RECQL5: variants seen among roughly 807,000 people sequenced by gnomAD.
The protein encoded by RECQL5 is ATP-dependent DNA helicase Q5.
RECQL5 carries 88 observed loss-of-function variants against 103.4 expected under a neutral mutation model. The ratio of observed to expected loss-of-function variants is 0.85; its 90% CI spans 0.72 to 1.02. The LOEUF (loss-of-function observed/expected upper bound fraction) is 1.02. Among genes scored for constraint, RECQL5 ranks in the 50% least tolerant of loss-of-function variants. The pLI is 0.00. For missense variants in RECQL5, 1,232 were observed against 1,284.3 expected (o/e 0.96, Z 0.62); for synonymous variants, 552 against 507.9 (o/e 1.09, Z -1.17).
Position 75,665,205 on chromosome 17 carries a change from C to A in RECQL5, c.131-33G>T, listed in dbSNP as rs146268842. 721 of 1,583,514 alleles carry A rather than the reference C, an allele frequency of 4.6e-4. No individual in the cohort carries two copies. The African/African-American group carries it at 8.1e-3, about 18-fold the overall frequency. On this transcript the variant is annotated intron_variant, in intron 2 of 19. Coordinates refer to ENST00000317905, the MANE Select transcript of RECQL5 (RefSeq NM_004259.7). ...AATACAAGACAACAATATCTCAGTG[C>A]TTCCTGCCTTTTCATTGAAGTTGTT...
At chr17:75,654,792 T>TTTA (rs1376086894) in intron 7 of RECQL5, among the ~76,000 whole-genome samples, 1 of 151,866 alleles carries the variant, frequency 6.6e-6, no homozygotes, top group Non-Finnish European at 1.5e-5. Context: ...GCTAATTTTT[T>TTTA]TTATTATTAT....
At chr17:75,665,621 C>T (rs1003971658) in intron 2 of RECQL5, among the ~76,000 whole-genome samples, 13 of 142,974 alleles carry the variant, frequency 9.1e-5, no homozygotes, top group African/African-American at 3.1e-4. Flanking sequence ...ACCCAGGAGG[C>T]GGAGGTTGCA....
chr17:75,630,485 G>A (rs1439994545), intron 13 of RECQL5, 134 bp downstream of exon 13: 1 of 1,035,594 alleles, frequency 9.7e-7, no homozygotes, highest in African/African-American at 1.6e-5. Flanking sequence ...GGGGTTGTAG[G>A]GGCAGTCCCC....
In RECQL5 at chr17:75,629,690, C is replaced by T; in HGVS notation, c.1947+18G>A. On this transcript the variant is annotated intron_variant, in intron 15 of 19. Coordinates refer to ENST00000317905, the MANE Select transcript of RECQL5 (RefSeq NM_004259.7). ...CTTTCCTGGTCACAGGTCTGGAGGC[C>T]ACTGGGCCACAGCTCACCGAGTACA... 6.3e-7 allele frequency: 1 copy of T among 1,595,444 alleles called. No individual in the cohort carries two copies. The highest frequency in any genetic ancestry group is 1.1e-5 in the South Asian group (1 of 89,768).
Position 75,662,785 on chromosome 17 carries a change from C to G in RECQL5, c.465G>C (p.Val155=). The G allele has an allele frequency of 6.2e-7, 1 of 1,614,138 alleles. No individual in the cohort carries two copies. The highest frequency in any genetic ancestry group is 8.5e-7 in the Non-Finnish European group (1 of 1,180,046). The stretch of plus-strand genomic sequence containing the variant: ...GGGAAACACAATGAGCTTCATCCAC[C>G]ACCAAGTAAGACAGCAGGTGGCGGG... ...LVSRHLLSYL[V]VDEAHCVSQW... is the part of the protein sequence containing the mutation. Residue 155 remains valine, a synonymous_variant, in exon 4 of 20, where the codon GTG becomes GTC. Transcript: ENST00000317905.
chr17:75,650,113 G>T, intron 8 of RECQL5: 1 of 986,106 alleles, frequency 1.0e-6, no homozygotes, highest in Non-Finnish European at 1.2e-6. Context: ...TAAGAGCTCT[G>T]CTCAAGAAGC....
chr17:75,658,026 C>T (rs187862743), intron 7 of RECQL5, among the ~76,000 whole-genome samples: 105 of 151,368 alleles, frequency 6.9e-4, no homozygotes, highest in African/African-American at 2.3e-3. Context: ...CCAGCCTGAG[C>T]GACGGAGTGA....
intron 7 of RECQL5, among the ~76,000 whole-genome samples, chr17:75,653,173 G>A (rs2059576327): frequency 6.6e-6 from 1 of 152,192 alleles, no homozygotes; most frequent in Non-Finnish European, 1.5e-5. Context: ...GGCAATAGCA[G>A]GTGGTCCCCA....
intron 18 of RECQL5, among the ~76,000 whole-genome samples, 156 bp downstream of exon 18, chr17:75,628,062 G>A (rs1278327932): frequency 6.6e-6 from 1 of 150,808 alleles, no homozygotes; most frequent in Non-Finnish European, 1.5e-5. Flanking sequence ...GCAACCCACG[G>A]CCATGACCCA....
In RECQL5 at chr17:75,640,672, C is replaced by T; in HGVS notation, c.1230-9004G>A. 6.8e-7 allele frequency: 1 copy of T among 1,475,602 alleles called. No individual in the cohort carries two copies. The highest frequency in any genetic ancestry group is 1.4e-5 in the African/African-American group (1 of 72,118). The allele number at this position is 1,475,602 out of a possible 1,614,324, so 91.4% of individuals were successfully genotyped here. A position where few individuals can be genotyped will look rare whatever the true frequency, so the allele number is the denominator to read the frequency against. On this transcript the variant is annotated intron_variant, in intron 8 of 19. Coordinates refer to ENST00000317905, the MANE Select transcript of RECQL5 (RefSeq NM_004259.7). This position sits in a 1 kb window ranked among gnomAD's most constrained non-coding sequence, Gnocchi z 4.6. ...CCTCTCACCAGCCTCTCGGATCTTT[C>T]TGACCTCCACCAAACCTGTGGGGGA...
intron 6 of RECQL5, among the ~76,000 whole-genome samples, chr17:75,658,756 G>C (rs188359684): frequency 1.3e-5 from 2 of 152,244 alleles, no homozygotes; most frequent in Admixed American, 1.3e-4. Flanking sequence ...ACAAAATGAG[G>C]CTCTGCCACT....
chr17:75,659,650 G>A (rs796535474), intron 6 of RECQL5, among the ~76,000 whole-genome samples: 22 of 152,278 alleles, frequency 1.4e-4, no homozygotes, highest in African/African-American at 5.3e-4. Context: ...CACTACACCT[G>A]GCAGCATACC....
At chr17:75,633,827 C>T in intron 8 of RECQL5, 1 of 1,003,706 alleles carries the variant, frequency 1.0e-6, no homozygotes, top group Non-Finnish European at 1.2e-6. Context: ...CTTTCTTCAG[C>T]TCCCAACCCA....
Position 75,640,143 on chromosome 17 carries a change from AGGT to A in RECQL5, c.1230-8478_1230-8476del. 6.7e-7 allele frequency: 1 copy of A among 1,492,290 alleles called. No individual in the cohort carries two copies. Among genetic ancestry groups the A allele is most frequent in the South Asian group, 1.3e-5 (1 of 76,648 alleles). 92.4% of individuals were successfully genotyped at this position (1,492,290 alleles called of 1,614,324 possible). On this transcript the variant is annotated intron_variant, in intron 8 of 19. Transcript: ENST00000317905. This position sits in a 1 kb window ranked among gnomAD's most constrained non-coding sequence, Gnocchi z 4.6. ...GTGTGGGGCCAGCCGTGGAGGCTCC[AGGT>A]GTTCTCTCTGCCCCAGCAGAGCCCG... is the stretch of plus-strand genomic sequence containing the variant.
intron 8 of RECQL5, chr17:75,650,128 G>A: frequency 1.0e-6 from 1 of 986,352 alleles, no homozygotes; most frequent in Non-Finnish European, 1.2e-6. Flanking sequence ...AGAAGCCTAA[G>A]AAGGCCAAAT....
intron 7 of RECQL5, among the ~76,000 whole-genome samples, chr17:75,655,758 C>T (rs1057309215): frequency 5.3e-5 from 8 of 152,124 alleles, no homozygotes; most frequent in African/African-American, 1.9e-4. Context: ...CAGCTTACCG[C>T]AACCTCAACC....
At chr17:75,650,516 C>A in intron 8 of RECQL5, 2 of 1,444,012 alleles carry the variant, frequency 1.4e-6, no homozygotes, top group Non-Finnish European at 1.8e-6. Context: ...AATTTATTCA[C>A]CTCTAAGTCT....
In RECQL5 at chr17:75,629,797, T is replaced by C; in HGVS notation, c.1858A>G (p.Met620Val). The C allele has an allele frequency of 1.2e-6, 2 of 1,613,474 alleles. No individual in the cohort carries two copies. The highest frequency in any genetic ancestry group is 1.7e-6 in the Non-Finnish European group (2 of 1,179,738). ...CTGCAGCTCTTGGCACTGCCTCCCATGTCATAGGGCTGCCCATCCTTGGAG... is the reference window on the plus strand; with the variant it reads ...CTGCAGCTCTTGGCACTGCCTCCCACGTCATAGGGCTGCCCATCCTTGGAG... ...RASKDGQPYDMGGSAKSCSAQ... is the reference protein window; with the variant it reads ...RASKDGQPYDVGGSAKSCSAQ... The change falls in exon 15 of 20, where the codon ATG becomes GTG. Residue 620 changes from methionine to valine, a missense_variant. Transcript: ENST00000317905.
intron 8 of RECQL5, chr17:75,649,841 A>G: frequency 1.0e-6 from 1 of 985,502 alleles, no homozygotes; most frequent in Non-Finnish European, 1.2e-6. Flanking sequence ...TTGAGTCCAC[A>G]GATGCCTGGA....
Sources: gnomAD v4.1 joint callset for allele counts (sites outside exome capture counted in the v4.1 genomes callset) on GRCh38, gnomAD v4.1.1 for gene constraint, Gnocchi (gnomAD v3.1) non-coding constraint, MANE v1.5 for transcripts, NCBI Gene and HGNC (gene_info 2026-07-23, HGNC 2026-07-21) for gene names.